Variants in UNC13A observed in about 807,000 individuals in gnomAD.
UNC13A encodes unc-13 homolog A.
In UNC13A, 61 loss-of-function variants were observed where a neutral mutation model predicts 219.7. The ratio of observed to expected loss-of-function variants is 0.28; its 90% confidence interval spans 0.23 to 0.34. The LOEUF is 0.34. UNC13A is among the 10% of genes least tolerant of loss of function. The pLI is 1.00. For synonymous variants in UNC13A, 920 were observed against 884.6 expected, an observed-to-expected ratio of 1.04 and a Z score of -0.71; for missense variants, 1,476 against 2,270.3, an observed-to-expected ratio of 0.65 and a Z score of 7.11.
At chr19:17,686,638 T>C (rs1298819410) in intron 1 of UNC13A, among the ~76,000 whole-genome samples, 1 of 151,874 alleles carries the variant, frequency 6.6e-6, no homozygotes, top group East Asian at 2.0e-4. Context: ...CCTTTGACTC[T>C]AGGGACCCTT....
Position 17,674,308 on chromosome 19 carries a change from C to T in UNC13A, c.152+349G>A, listed in dbSNP as rs1363998961. 3.9e-5 allele frequency among the ~76,000 whole-genome samples: 6 copies of T among 152,152 alleles called. No individual in the cohort carries two copies. The highest frequency in any genetic ancestry group is 3.9e-4 in the East Asian group (2 of 5,176). On this transcript the variant is annotated intron_variant, in intron 3 of 43. Transcript: ENST00000519716. The surrounding 1 kb of genome is among the most constrained non-coding windows in gnomAD (Gnocchi z 5.0). ...AAGGCTGTGGGTTTTATTGTGAGGT[C>T]GATGAGCCACGGACAAGTTTGGAAC... is the stretch of plus-strand genomic sequence containing the variant.
rs1317140157 is a variant in UNC13A, at chr19:17,624,958, G to A, written c.4074-6C>T. ...TTTTGGCAAAGAGGGTCAGGCTGGG[G>A]ACGAGGGGCAGGTCTGAGAGAGGGC... On this transcript the variant is annotated splice_region_variant and splice_polypyrimidine_tract_variant and intron_variant, in intron 34 of 43. Coordinates refer to ENST00000519716, the MANE Select transcript of UNC13A (RefSeq NM_001080421.3). 1.2e-6 allele frequency: 2 copies of A among 1,612,626 alleles called. No homozygotes were observed. Among genetic ancestry groups the A allele is most frequent in the East Asian group, 2.2e-5 (1 of 44,870 alleles).
At position 17,627,774 on chromosome 19, in the gene UNC13A, C is replaced by T; in HGVS notation, c.3831+89G>A. On this transcript the variant is annotated intron_variant, in intron 32 of 43. Transcript: ENST00000519716. The surrounding 1 kb of genome is among the most constrained non-coding windows in gnomAD (Gnocchi z 4.7). ...GGTTGAGCTGGAATTCATCCCCAGG[C>T]CTGGTGGCATATGAGCTCAGGGGCC... 1 of 1,424,468 alleles carries T rather than the reference C, an allele frequency of 7.0e-7. No individual in the cohort carries two copies. Among genetic ancestry groups the T allele is most frequent in the South Asian group, 1.2e-5 (1 of 83,100 alleles). The allele number at this position is 1,424,468 out of a possible 1,614,324, so 88.2% of individuals were successfully genotyped here.
rs760484867 is a variant in UNC13A at position 17,669,559 on chromosome 19, G to T, written c.388C>A (p.Pro130Thr). Residue 130 changes from proline (P) to threonine (T), a missense_variant, in exon 5 of 44, where the codon CCC becomes ACC. By Grantham distance (38) the Pro-to-Thr change is conservative. Around this residue, in one of 14 missense-constraint regions of UNC13A, gnomAD observed 203 missense variants for 301.6 expected, o/e 0.67. Coordinates refer to ENST00000519716, the MANE Select transcript of UNC13A (RefSeq NM_001080421.3). ...RILLDTRFEL[P>T]LDIPEEEARY... is the part of the protein sequence containing the mutation. ...CCCGGGCCCCTGTACTCACCTAAGG[G>T]TAGCTCAAAGCGCGTGTCCAGGAGG... 3 of 1,613,712 alleles carry T rather than the reference G, an allele frequency of 1.9e-6. No homozygotes were observed. Among genetic ancestry groups the T allele is most frequent in the Non-Finnish European group, 2.5e-6 (3 of 1,179,718 alleles).
intron 8 of UNC13A, among the ~76,000 whole-genome samples, chr19:17,661,780 T>C (rs2079554922): frequency 6.6e-6 from 1 of 152,074 alleles, no homozygotes; most frequent in Non-Finnish European, 1.5e-5. Flanking sequence ...AGGGAGCAAC[T>C]CTTTAGGGCA....
chr19:17,666,546 A>G lies in UNC13A; in HGVS notation c.523+104T>C, dbSNP rs550283727. The G allele has an allele frequency of 3.2e-4, 276 of 860,398 alleles. No individual in the cohort carries two copies. In the African/African-American group the frequency reaches 4.4e-3, roughly 14 times the overall value. The allele number at this position is 860,398 out of a possible 1,614,324, so 53.3% of individuals were successfully genotyped here. ...TGTAAGTGGACACTGCACTCTCAGG[A>G]CTTGTATCTCCGGACTGGAGGAGCC... On this transcript the variant is annotated intron_variant, in intron 7 of 43. Transcript: ENST00000519716.
intron 4 of UNC13A, among the ~76,000 whole-genome samples, chr19:17,672,096 C>G (rs76823424): frequency 0.013 from 1,921 of 152,252 alleles, 15 homozygotes; most frequent in Non-Finnish European, 0.02. Flanking sequence ...AACCACCCCC[C>G]TCCCCCACCA....
chr19:17,627,487 C>G lies in UNC13A; in HGVS notation c.3920+22G>C, dbSNP rs1277932489. The G allele has an allele frequency of 3.2e-6, 5 of 1,547,374 alleles. No homozygotes were observed. Among genetic ancestry groups the G allele is most frequent in the Non-Finnish European group, 3.5e-6 (4 of 1,142,402 alleles). On this transcript the variant is annotated intron_variant, in intron 33 of 43. Coordinates refer to ENST00000519716, the MANE Select transcript of UNC13A (RefSeq NM_001080421.3). The surrounding 1 kb of genome is among the most constrained non-coding windows in gnomAD (Gnocchi z 4.7). ...GAAGGCTGTTCCCTCCCCACTGCCC[C>G]CAGCCCTGGAGATGCTCCCACCTGG...
In UNC13A at chr19:17,674,708, G is replaced by A. The variant is rs370055932; in HGVS notation, c.101C>T (p.Thr34Met). The A allele has an allele frequency of 2.2e-5, 36 of 1,613,796 alleles. No homozygotes were observed. The highest frequency in any genetic ancestry group is 2.8e-5 in the Non-Finnish European group (33 of 1,179,880). Residue 34 changes from threonine (T) to methionine (M), a missense_variant, in exon 3 of 44, where the codon ACG (threonine) becomes ATG (methionine). Thr to Met is a moderately conservative substitution (Grantham distance 81). This residue lies in a region of UNC13A where 203 missense variants were observed against 301.6 expected (regional missense o/e 0.67). Transcript: ENST00000519716. This position sits in a 1 kb window ranked among gnomAD's most constrained non-coding sequence, Gnocchi z 5.0. ...CTGGCTGCCCCGCACCGCGATGGTC[G>A]TGCTCTTGACATTCTGCACTTTCAG... ...VTLKVQNVKS[T>M]TIAVRGSQPS... is the part of the protein sequence containing the mutation.
intron 30 of UNC13A, among the ~76,000 whole-genome samples, chr19:17,629,902 T>C (rs62119956): frequency 9.3e-5 from 11 of 118,586 alleles, no homozygotes; most frequent in African/African-American, 3.3e-4. Flanking sequence ...TCAACTCCAA[T>C]CTCAATTTAA....
At position 17,627,747 on chromosome 19, in the gene UNC13A, A is replaced by G; in HGVS notation, c.3831+116T>C. The stretch of plus-strand genomic sequence containing the variant: ...ATGCTGCAAGCCTGGGTTTAAGGCC[A>G]TGGTTGAGCTGGAATTCATCCCCAG... On this transcript the variant is annotated intron_variant, in intron 32 of 43. Coordinates refer to ENST00000519716, the MANE Select transcript of UNC13A (RefSeq NM_001080421.3). This position sits in a 1 kb window ranked among gnomAD's most constrained non-coding sequence, Gnocchi z 4.7. 1 of 1,319,174 alleles carries G rather than the reference A, an allele frequency of 7.6e-7. No homozygotes were observed. Among genetic ancestry groups the G allele is most frequent in the Non-Finnish European group, 1.1e-6 (1 of 946,264 alleles). 81.7% of individuals were successfully genotyped at this position (1,319,174 alleles called of 1,614,324 possible).
At chr19:17,688,087 C>A in intron 1 of UNC13A, 91 bp downstream of exon 1, 1 of 1,454,900 alleles carries the variant, frequency 6.9e-7, no homozygotes. Context: ...TCGGGTCACC[C>A]CCCAGGAACC....
chr19:17,648,552 G>C lies in UNC13A; in HGVS notation c.1695C>G (p.Thr565=). The C allele has an allele frequency of 6.2e-7, 1 of 1,614,102 alleles. No individual in the cohort carries two copies. Among genetic ancestry groups the C allele is most frequent in the Non-Finnish European group, 8.5e-7 (1 of 1,180,022 alleles). ...NFEVWTATTP[T]YCYECEGLLW... is the part of the protein sequence containing the mutation. ...GCAGCCCCTCGCACTCGTAGCAGTA[G>C]GTGGGCGTGGTGGCCGTCCACACTT... Residue 565 remains threonine, a synonymous_variant, in exon 16 of 44, where the codon ACC becomes ACG. Coordinates refer to ENST00000519716, the MANE Select transcript of UNC13A (RefSeq NM_001080421.3).
At chr19:17,644,522 TG>T (rs1311778303) in intron 19 of UNC13A, among the ~76,000 whole-genome samples, 8 of 111,230 alleles carry the variant, frequency 7.2e-5, no homozygotes, top group African/African-American at 2.2e-4. Flanking sequence ...CTTTTTCTTT[TG>T]TTTTTTTTTT....
At chr19:17,645,315 T>A (rs1472992067) in intron 19 of UNC13A, among the ~76,000 whole-genome samples, 1 of 152,184 alleles carries the variant, frequency 6.6e-6, no homozygotes, top group Non-Finnish European at 1.5e-5. Context: ...GGCCCCAGCC[T>A]GGATTCTTAA....
At chr19:17,652,422 G>A (rs768794822) in intron 12 of UNC13A, among the ~76,000 whole-genome samples, 9 of 152,066 alleles carry the variant, frequency 5.9e-5, no homozygotes, top group Non-Finnish European at 1.3e-4. Context: ...ATGAGCCACC[G>A]CACCCCGCCC....
At chr19:17,617,164 C>T (rs976594278) in intron 41 of UNC13A, among the ~76,000 whole-genome samples, 2 of 152,070 alleles carry the variant, frequency 1.3e-5, no homozygotes, top group African/African-American at 2.4e-5. Context: ...CGTCAAAGTT[C>T]CCACCCATGG....
In UNC13A at chr19:17,634,606, C is replaced by T. The variant is rs186841337; in HGVS notation, c.3216-1413G>A. 9.2e-5 allele frequency among the ~76,000 whole-genome samples: 14 copies of T among 152,302 alleles called. No individual in the cohort carries two copies. The East Asian group carries it at 2.7e-3, about 29-fold the overall frequency. On this transcript the variant is annotated intron_variant, in intron 26 of 43. Transcript: ENST00000519716. ...CCTCCCGCCTCGGCCTCCCAAAGTGCTGGGATTACAAGCGTGAGCTGCCAC... is the reference window on the plus strand; with the variant it reads ...CCTCCCGCCTCGGCCTCCCAAAGTGTTGGGATTACAAGCGTGAGCTGCCAC...
intron 19 of UNC13A, among the ~76,000 whole-genome samples, chr19:17,644,122 C>T (rs1193460070): frequency 6.6e-6 from 1 of 152,140 alleles, no homozygotes; most frequent in East Asian, 1.9e-4. Context: ...GTTCTTTGAT[C>T]TGTAGCAGCC....
Sources: gnomAD v4.1 joint callset for allele counts (sites outside exome capture counted in the v4.1 genomes callset) on GRCh38, gnomAD v4.1.1 for gene constraint, gnomAD v4.1.1 regional missense constraint, Gnocchi (gnomAD v3.1) non-coding constraint, MANE v1.5 for transcripts, NCBI Gene and HGNC (gene_info 2026-07-23, HGNC 2026-07-21) for gene names.